Variants in ZNF654 observed in about 807,000 individuals in gnomAD.
ZNF654 encodes melanoma-associated antigen.
ZNF654 carries 19 observed loss-of-function variants against 95.3 expected under a neutral mutation model. The observed-to-expected ratio is 0.20, with a 90% CI of 0.14 to 0.29. The LOEUF is 0.29. ZNF654 is among the 10% of genes least tolerant of loss of function. ZNF654 has a pLI of 1.00. For synonymous variants in ZNF654, 413 were observed against 457.9 expected (o/e 0.90, Z 1.25); for missense variants, 1,046 against 1,341.0 (o/e 0.78, Z 3.44).
At chr3:88,083,941 T>TATATATA (rs1708208971) in intron 1 of ZNF654, among the ~76,000 whole-genome samples, 1 of 147,698 alleles carries the variant, frequency 6.8e-6, no homozygotes, top group Non-Finnish European at 1.5e-5. Flanking sequence ...TGTACTTATT[T>TATATATA]TATATATATA....
intron 2 of ZNF654, among the ~76,000 whole-genome samples, chr3:88,109,100 G>A (rs569612672): frequency 2.2e-4 from 33 of 151,748 alleles, no homozygotes; most frequent in South Asian, 1.3e-3. Context: ...CAGTGGGAGG[G>A]AAGGGGTCTG....
intron 1 of ZNF654, among the ~76,000 whole-genome samples, chr3:88,074,726 A>G (rs1226578033): frequency 6.6e-6 from 1 of 152,208 alleles, no homozygotes; most frequent in East Asian, 1.9e-4. Flanking sequence ...AAATTTAGAA[A>G]TATACTAATA....
chr3:88,075,742 C>T (rs1707764465), intron 1 of ZNF654, among the ~76,000 whole-genome samples: 1 of 152,088 alleles, frequency 6.6e-6, no homozygotes, highest in South Asian at 2.1e-4. Flanking sequence ...AAATTTGCCT[C>T]GCCTATCTTC....
At chr3:88,101,083 C>T (rs1438814267) in intron 2 of ZNF654, among the ~76,000 whole-genome samples, 1 of 152,180 alleles carries the variant, frequency 6.6e-6, no homozygotes, top group Non-Finnish European at 1.5e-5. Flanking sequence ...TATTTCCCCA[C>T]TCCTTACCCA....
intron 8 of ZNF654, 126 bp downstream of exon 8, chr3:88,141,174 C>A: frequency 9.1e-7 from 1 of 1,096,412 alleles, no homozygotes. Context: ...AGCATTACTC[C>A]ATACATTATT....
At chr3:88,118,897 G>C (rs1397506051) in intron 3 of ZNF654, among the ~76,000 whole-genome samples, 1 of 151,272 alleles carries the variant, frequency 6.6e-6, no homozygotes, top group Non-Finnish European at 1.5e-5. Flanking sequence ...AGGTGCTGGA[G>C]AGGATGTGGA....
At chr3:88,084,384 G>T (rs1254421895) in intron 1 of ZNF654, among the ~76,000 whole-genome samples, 1 of 152,174 alleles carries the variant, frequency 6.6e-6, no homozygotes. Context: ...GGTAACCAGA[G>T]AAAGGCAATA....
intron 1 of ZNF654, among the ~76,000 whole-genome samples, chr3:88,060,029 G>A (rs1057176399): frequency 1.3e-4 from 19 of 151,954 alleles, no homozygotes; most frequent in African/African-American, 4.6e-4. Flanking sequence ...AGATCCCGCT[G>A]GGCCGGTTCT....
intron 2 of ZNF654, among the ~76,000 whole-genome samples, chr3:88,109,142 A>ATGTGT (rs1553697145): frequency 4.2e-5 from 6 of 142,434 alleles, no homozygotes; most frequent in Non-Finnish European, 9.2e-5. Flanking sequence ...AGTGGGCACT[A>ATGTGT]GTGTGTGTGT....
intron 1 of ZNF654, among the ~76,000 whole-genome samples, chr3:88,063,348 A>G (rs1706996810): frequency 6.6e-6 from 1 of 152,208 alleles, no homozygotes; most frequent in Admixed American, 6.5e-5. Flanking sequence ...ATGATCCTCA[A>G]ATAGTTTTTA....
intron 2 of ZNF654, among the ~76,000 whole-genome samples, chr3:88,092,607 ATTATCTGTTT>A (rs1271490119): frequency 1.3e-5 from 2 of 152,138 alleles, no homozygotes; most frequent in Non-Finnish European, 2.9e-5. Flanking sequence ...CAATATATTT[ATTATCTGTTT>A]TTACAGTTCT....
chr3:88,088,911 GACAGGCACCC>G (rs1299585793), intron 2 of ZNF654, among the ~76,000 whole-genome samples: 1 of 151,238 alleles, frequency 6.6e-6, no homozygotes, highest in African/African-American at 2.4e-5. Context: ...TAGCTGGGAT[GACAGGCACCC>G]GCCACCATGC....
chr3:88,109,835 G>A (rs868538208), intron 2 of ZNF654, among the ~76,000 whole-genome samples: 5 of 152,056 alleles, frequency 3.3e-5, no homozygotes, highest in South Asian at 2.1e-4. Context: ...CACATTTATT[G>A]TAGAAACATA....
In ZNF654 at chr3:88,068,735, C is replaced by T. The variant is rs188270923; in HGVS notation, c.186+9230C>T. 2.6e-5 allele frequency among the ~76,000 whole-genome samples: 4 copies of T among 152,200 alleles called. No individual in the cohort carries two copies. The East Asian group carries it at 7.7e-4, about 29-fold the overall frequency. On this transcript the variant is annotated intron_variant, in intron 1 of 8. Coordinates refer to ENST00000636215, the MANE Select transcript of ZNF654 (RefSeq NM_001350134.2). ...GTTTACCTGTTTTAGCTCATTTAAT[C>T]CACTACCCTACAAGCTATGTGCCAT...
In ZNF654 at chr3:88,137,194, CA is replaced by C. The variant is rs11401199; in HGVS notation, c.1036-1487del. ...TGGGTGACAGTGCGAGACTCTGTCTCAAAAAAAAAAAAAAAAAAAAAAAAGG... is the reference window on the plus strand; with the variant it reads ...TGGGTGACAGTGCGAGACTCTGTCTCAAAAAAAAAAAAAAAAAAAAAAAGG... On this transcript the variant is annotated intron_variant, in intron 7 of 8. Coordinates refer to ENST00000636215, the MANE Select transcript of ZNF654 (RefSeq NM_001350134.2). Among the ~76,000 whole-genome samples the C allele has an allele frequency of 9.9e-3, 698 of 70,712 alleles. 3 individuals are homozygous for C. The highest frequency in any genetic ancestry group is 0.041 in the African/African-American group (634 of 15,506). 46.4% of individuals were successfully genotyped at this position (70,712 alleles called of 152,430 possible). A position where few individuals can be genotyped will look rare whatever the true frequency, so the allele number is the denominator to read the frequency against.
At chr3:88,095,867 C>T in intron 2 of ZNF654, 1 of 451,754 alleles carries the variant, frequency 2.2e-6, no homozygotes, top group Non-Finnish European at 4.3e-6. Context: ...TCAGCAGATA[C>T]TCCACTTGCC....
At chr3:88,073,208 A>T (rs1707615791) in intron 1 of ZNF654, among the ~76,000 whole-genome samples, 1 of 152,164 alleles carries the variant, frequency 6.6e-6, no homozygotes, top group African/African-American at 2.4e-5. Flanking sequence ...CAGAATCCGG[A>T]ACTGTGGGAC....
chr3:88,092,291 G>C (rs1703788596), intron 2 of ZNF654, among the ~76,000 whole-genome samples: 1 of 152,098 alleles, frequency 6.6e-6, no homozygotes. Context: ...AGCTCTGCTT[G>C]CTTCTAGGGA....
chr3:88,095,894 G>A, intron 2 of ZNF654: 1 of 426,850 alleles, frequency 2.3e-6, no homozygotes, highest in Non-Finnish European at 4.4e-6. Context: ...CCACATGCCT[G>A]TCTAGCACCT....
Sources: gnomAD v4.1 joint callset for allele counts (sites outside exome capture counted in the v4.1 genomes callset) on GRCh38, gnomAD v4.1.1 for gene constraint, MANE v1.5 for transcripts, NCBI Gene and HGNC (gene_info 2026-07-23, HGNC 2026-07-21) for gene names.